Variants in AFF4 observed in about 807,000 individuals in gnomAD.
AFF4 encodes the protein AF4/FMR2 family member 4.
AFF4 carries 13 observed loss-of-function variants against 124.8 expected under a neutral mutation model. The observed-to-expected ratio is 0.10, with a 90% CI of 0.07 to 0.17. The LOEUF (loss-of-function observed/expected upper bound fraction) is 0.17. Among genes scored for constraint, AFF4 ranks in the 10% least tolerant of loss-of-function variants. AFF4 has a pLI of 1.00. For synonymous variants in AFF4, 477 were observed against 496.1 expected, an observed-to-expected ratio of 0.96 and a Z score of 0.51; for missense variants, 1,092 against 1,403.8, an observed-to-expected ratio of 0.78 and a Z score of 3.55.
Position 132,893,805 on chromosome 5 carries a change from C to A in AFF4, c.2308-687G>T, listed in dbSNP as rs568280807. Among the ~76,000 whole-genome samples the A allele has an allele frequency of 5.3e-5, 8 of 152,246 alleles. No individual in the cohort carries two copies. The South Asian group carries it at 1.7e-3, about 32-fold the overall frequency. On this transcript the variant is annotated intron_variant, in intron 11 of 20. Coordinates refer to ENST00000265343, the MANE Select transcript of AFF4 (RefSeq NM_014423.4). Reference sequence around the variant, plus strand: ...ATGAATTTTAAAATATTTTCATTATCCTGAAAACACACTCTATACCCATTA... The same window carrying A: ...ATGAATTTTAAAATATTTTCATTATACTGAAAACACACTCTATACCCATTA...
intron 5 of AFF4, 62 bp from the exon 6 acceptor site, chr5:132,904,466 T>A: frequency 2.2e-6 from 3 of 1,390,258 alleles, no homozygotes; most frequent in Non-Finnish European, 3.0e-6. Context: ...TAGTGAAAAA[T>A]GCTTAAATTA....
rs780948222 is a variant in AFF4 at position 132,934,558 on chromosome 5, A to G, written c.507T>C (p.His169=). The G allele has an allele frequency of 5.0e-6, 8 of 1,614,108 alleles. No individual in the cohort carries two copies. The highest frequency in any genetic ancestry group is 4.2e-6 in the Non-Finnish European group (5 of 1,180,012). ...SGSSSRKKGQ[H]GSEHSKSRSS... The stretch of plus-strand genomic sequence containing the variant: ...AACGTGATTTGGAGTGTTCTGATCC[A>G]TGCTGGCCTTTTTTCCGGCTACTGC... The change falls in exon 3 of 21, where the codon CAT becomes CAC. Residue 169 remains histidine (H), a synonymous_variant. Transcript: ENST00000265343.
intron 1 of AFF4, among the ~76,000 whole-genome samples, chr5:132,937,925 G>C (rs1226366306): frequency 3.3e-5 from 5 of 152,140 alleles, no homozygotes; most frequent in Admixed American, 2.6e-4. Flanking sequence ...TCTATAATCA[G>C]GACAGTTTGT....
At chr5:132,904,228 GA>G (rs763656407) in intron 6 of AFF4, 139 bp downstream of exon 6, 13,914 of 517,196 alleles carry the variant, frequency 0.027, no homozygotes, top group Non-Finnish European at 0.029. Flanking sequence ...CTACACTCCA[GA>G]AAAAAAAAAA....
At chr5:132,938,432 A>AT (rs1317055622) in intron 1 of AFF4, among the ~76,000 whole-genome samples, 3 of 151,496 alleles carry the variant, frequency 2.0e-5, no homozygotes, top group Admixed American at 1.3e-4. Flanking sequence ...TGGCTGGCTA[A>AT]TTTTTTTATT....
intron 11 of AFF4, among the ~76,000 whole-genome samples, chr5:132,895,710 C>A (rs1241937544): frequency 6.6e-6 from 1 of 152,184 alleles, no homozygotes; most frequent in Non-Finnish European, 1.5e-5. Flanking sequence ...GATTATTATC[C>A]TCCAATCACA....
chr5:132,896,170 C>CTGT (rs903271429), intron 11 of AFF4, among the ~76,000 whole-genome samples, 153 bp downstream of exon 11: 26 of 152,374 alleles, frequency 1.7e-4, no homozygotes, highest in Admixed American at 1.3e-3. Context: ...CCTCAAGAGA[C>CTGT]TGTTCCACAT....
At chr5:132,930,781 C>A (rs1001489312) in intron 4 of AFF4, among the ~76,000 whole-genome samples, 5 of 151,886 alleles carry the variant, frequency 3.3e-5, no homozygotes, top group African/African-American at 1.2e-4. Flanking sequence ...ACTTTTTGGT[C>A]ATGTGTCAAT....
At chr5:132,887,465 A>C (rs1760144830) in intron 17 of AFF4, 56 bp downstream of exon 17, 10 of 1,443,382 alleles carry the variant, frequency 6.9e-6, no homozygotes, top group Non-Finnish European at 9.7e-6. Context: ...CACACACAGC[A>C]CTATTTATTA....
At chr5:132,935,485 G>C (rs1761403637) in intron 2 of AFF4, among the ~76,000 whole-genome samples, 1 of 152,112 alleles carries the variant, frequency 6.6e-6, no homozygotes, top group Non-Finnish European at 1.5e-5. Flanking sequence ...CGTTAGCCGG[G>C]TGTGGCCAGA....
At chr5:132,961,375 C>A (rs922565585) in intron 1 of AFF4, among the ~76,000 whole-genome samples, 1 of 152,046 alleles carries the variant, frequency 6.6e-6, no homozygotes, top group African/African-American at 2.4e-5. Context: ...CACCACCACA[C>A]CTGGCTAATT....
intron 3 of AFF4, among the ~76,000 whole-genome samples, chr5:132,933,386 A>G (rs1207375367): frequency 6.6e-6 from 1 of 151,540 alleles, no homozygotes; most frequent in African/African-American, 2.4e-5. Context: ...AACAAGAGCG[A>G]AACTCCAACT....
chr5:132,942,460 CTTTT>C (rs35994411), intron 1 of AFF4, among the ~76,000 whole-genome samples: 2 of 134,098 alleles, frequency 1.5e-5, no homozygotes, highest in African/African-American at 2.7e-5. Context: ...TCCTTTTGAC[CTTTT>C]TTTTTTTTTT....
intron 1 of AFF4, among the ~76,000 whole-genome samples, chr5:132,959,399 C>A (rs968224067): frequency 2.0e-5 from 3 of 152,064 alleles, no homozygotes; most frequent in African/African-American, 7.2e-5. Flanking sequence ...GGATTACAGG[C>A]ATGAGCCACC....
At chr5:132,936,444 AAAAAG>A (rs1438583503) in intron 2 of AFF4, among the ~76,000 whole-genome samples, 8 of 152,176 alleles carry the variant, frequency 5.3e-5, no homozygotes, top group Non-Finnish European at 1.5e-5. Context: ...ATAACAACAG[AAAAAG>A]AAATCAGACT....
rs865788649 is a variant in AFF4, at chr5:132,955,801, T to C, written c.-5+7458A>G. 1.1e-4 allele frequency among the ~76,000 whole-genome samples: 14 copies of C among 124,444 alleles called. 1 individual carries two copies. Among genetic ancestry groups the C allele is most frequent in the Non-Finnish European group, 2.3e-4 (13 of 56,718 alleles). 81.6% of individuals were successfully genotyped at this position (124,444 alleles called of 152,430 possible). On this transcript the variant is annotated intron_variant, in intron 1 of 20. Coordinates refer to ENST00000265343, the MANE Select transcript of AFF4 (RefSeq NM_014423.4). ...TCAAAAAAAAAAAAAAAAAAATATA[T>C]ATATATATATATACACACACACACA...
chr5:132,881,571 G>A (rs1426684116), intron 20 of AFF4, among the ~76,000 whole-genome samples: 1 of 152,202 alleles, frequency 6.6e-6, no homozygotes, highest in East Asian at 1.9e-4. Context: ...ACAAAAAGGA[G>A]GACATTCTTT....
intron 14 of AFF4, among the ~76,000 whole-genome samples, chr5:132,888,392 A>G (rs1264499087): frequency 6.6e-6 from 1 of 152,128 alleles, no homozygotes; most frequent in Non-Finnish European, 1.5e-5. Flanking sequence ...GCTCCCTAGT[A>G]TCAAATACTA....
At position 132,896,224 on chromosome 5, in the gene AFF4, C is replaced by T. The variant is rs924692345; in HGVS notation, c.2307+99G>A. ...TGGGTTTACCCACTATTTTCCTTCA[C>T]AGCTTATGACCCACCTTGTTACTTT... On this transcript the variant is annotated intron_variant, in intron 11 of 20. Transcript: ENST00000265343. The T allele has an allele frequency of 6.4e-6, 9 of 1,411,788 alleles. No individual in the cohort carries two copies. In the African/African-American group the frequency reaches 1.3e-4, roughly 20 times the overall value. 87.5% of individuals were successfully genotyped at this position (1,411,788 alleles called of 1,614,324 possible).
Sources: gnomAD v4.1 joint callset for allele counts (sites outside exome capture counted in the v4.1 genomes callset) on GRCh38, gnomAD v4.1.1 for gene constraint, MANE v1.5 for transcripts, NCBI Gene and HGNC (gene_info 2026-07-23, HGNC 2026-07-21) for gene names.